STXBP6: variants seen among roughly 807,000 people sequenced by gnomAD.
STXBP6 encodes syntaxin binding protein 6.
In STXBP6, 21 loss-of-function variants were observed where a neutral mutation model predicts 26.9. That is an observed-to-expected ratio of 0.78 (90% CI 0.55 to 1.12). The LOEUF (loss-of-function observed/expected upper bound fraction) is 1.12, where lower values mean the gene tolerates loss of function less well. STXBP6 is among the 50% of genes most tolerant of loss of function. The pLI is 0.00. For missense variants in STXBP6, 232 were observed against 257.9 expected, an observed-to-expected ratio of 0.90 and a Z score of 0.69; for synonymous variants, 97 against 92.6, an observed-to-expected ratio of 1.05 and a Z score of -0.27.
At chr14:24,819,480 AG>A in intron 4 of STXBP6, 1 of 569,480 alleles carries the variant, frequency 1.8e-6, no homozygotes, top group Non-Finnish European at 3.1e-6. Flanking sequence ...CTATCTGTGG[AG>A]GCTCAAAAGG....
chr14:24,820,690 T>C (rs1378471813), intron 4 of STXBP6, among the ~76,000 whole-genome samples: 1 of 152,218 alleles, frequency 6.6e-6, no homozygotes. Context: ...TGCTCAACAC[T>C]TGAATAGCAC....
Position 24,841,919 on chromosome 14 carries a change from T to C in STXBP6, c.451+14017A>G, listed in dbSNP as rs114538121. Among the ~76,000 whole-genome samples the C allele has an allele frequency of 4.3e-3, 656 of 152,356 alleles. 3 individuals are homozygous for C. Among genetic ancestry groups the C allele is most frequent in the African/African-American group, 0.015 (622 of 41,572 alleles). On this transcript the variant is annotated intron_variant, in intron 4 of 5. Transcript: ENST00000323944. ...ATTCAATTCTCATTTGTTATTTTTGTTGGCTTTCTCATGTAGAATTTTGGT... is the reference window on the plus strand; with the variant it reads ...ATTCAATTCTCATTTGTTATTTTTGCTGGCTTTCTCATGTAGAATTTTGGT...
chr14:24,822,424 T>A (rs35131265), intron 4 of STXBP6, among the ~76,000 whole-genome samples: 20,912 of 152,218 alleles, frequency 0.14, 1,861 homozygotes, highest in Non-Finnish European at 0.2. Flanking sequence ...CATACAAACA[T>A]TTTTAGGCTC....
At chr14:24,962,459 A>C (rs2073580881) in intron 2 of STXBP6, among the ~76,000 whole-genome samples, 1 of 151,698 alleles carries the variant, frequency 6.6e-6, no homozygotes, top group Non-Finnish European at 1.5e-5. Flanking sequence ...CCTCCCAAGT[A>C]GCTGGGATTA....
chr14:24,872,980 C>T (rs928590158), intron 2 of STXBP6, among the ~76,000 whole-genome samples: 8 of 152,182 alleles, frequency 5.3e-5, no homozygotes, highest in Admixed American at 4.6e-4. Context: ...TATTTGCAAG[C>T]AAATGGTTCG....
intron 2 of STXBP6, among the ~76,000 whole-genome samples, chr14:24,932,640 T>C (rs1214645843): frequency 6.6e-6 from 1 of 152,128 alleles, no homozygotes; most frequent in African/African-American, 2.4e-5. Context: ...TTCTAGGTGG[T>C]TCAGGAGAGA....
At chr14:25,034,876 T>A (rs2075523130) in intron 1 of STXBP6, among the ~76,000 whole-genome samples, 1 of 151,938 alleles carries the variant, frequency 6.6e-6, no homozygotes, top group African/African-American at 2.4e-5. Flanking sequence ...CTTGGCCGGG[T>A]GTGGTGGCTC....
chr14:24,967,380 G>A (rs1348718353), intron 2 of STXBP6, among the ~76,000 whole-genome samples: 1 of 152,170 alleles, frequency 6.6e-6, no homozygotes, highest in Non-Finnish European at 1.5e-5. Context: ...TGCCCTGCAG[G>A]TCATTTAAAA....
At chr14:24,884,463 T>C (rs1485290140) in intron 2 of STXBP6, among the ~76,000 whole-genome samples, 1 of 152,202 alleles carries the variant, frequency 6.6e-6, no homozygotes, top group African/African-American at 2.4e-5. Flanking sequence ...TTTTGACTCA[T>C]TTTCCAGCGG....
intron 1 of STXBP6, among the ~76,000 whole-genome samples, chr14:24,998,792 T>C (rs950304663): frequency 3.3e-5 from 5 of 152,216 alleles, no homozygotes; most frequent in African/African-American, 1.2e-4. Context: ...TTGGGTAATA[T>C]TATTTTACCA....
intron 2 of STXBP6, among the ~76,000 whole-genome samples, chr14:24,959,710 G>A (rs529526837): frequency 1.3e-5 from 2 of 152,206 alleles, no homozygotes; most frequent in South Asian, 4.1e-4. Context: ...ACTGACAAAG[G>A]GCAATAATTA....
intron 4 of STXBP6, among the ~76,000 whole-genome samples, chr14:24,832,517 AAATCCC>A (rs1202179191): frequency 1.3e-5 from 2 of 152,216 alleles, no homozygotes; most frequent in Non-Finnish European, 1.5e-5. Context: ...AATTGATACA[AAATCCC>A]AATGGGTATC....
chr14:24,847,626 G>A (rs1354639297), intron 4 of STXBP6, among the ~76,000 whole-genome samples: 1 of 152,130 alleles, frequency 6.6e-6, no homozygotes, highest in African/African-American at 2.4e-5. Flanking sequence ...GTCTAACAAT[G>A]TTAAGTAATT....
intron 1 of STXBP6, among the ~76,000 whole-genome samples, chr14:24,979,013 T>C (rs2074118770): frequency 6.6e-6 from 1 of 152,222 alleles, no homozygotes; most frequent in East Asian, 1.9e-4. Context: ...ATTAAAAACC[T>C]CCATTGTTAA....
chr14:24,898,301 C>A (rs2071072301), intron 2 of STXBP6, among the ~76,000 whole-genome samples: 1 of 152,218 alleles, frequency 6.6e-6, no homozygotes, highest in Non-Finnish European at 1.5e-5. Context: ...AACTGTGATT[C>A]TCATAATCTC....
intron 4 of STXBP6, among the ~76,000 whole-genome samples, chr14:24,824,224 C>G (rs566787278): frequency 6.6e-6 from 1 of 152,180 alleles, no homozygotes; most frequent in African/African-American, 2.4e-5. Flanking sequence ...GGCTCCCTGA[C>G]AGCCTGGTCT....
intron 2 of STXBP6, among the ~76,000 whole-genome samples, chr14:24,910,397 G>T (rs1411367821): frequency 6.6e-6 from 1 of 152,126 alleles, no homozygotes; most frequent in Non-Finnish European, 1.5e-5. Context: ...TTCATTGCCT[G>T]GTATCCCTGC....
chr14:24,883,448 A>G (rs1009717712), intron 2 of STXBP6, among the ~76,000 whole-genome samples: 5 of 152,228 alleles, frequency 3.3e-5, no homozygotes, highest in African/African-American at 1.2e-4. Flanking sequence ...GTATACCACT[A>G]TTACTTTGGT....
chr14:24,994,443 G>A (rs1762107901), intron 1 of STXBP6, among the ~76,000 whole-genome samples: 1 of 152,064 alleles, frequency 6.6e-6, no homozygotes, highest in South Asian at 2.1e-4. Flanking sequence ...AAACCACTCT[G>A]AATTTCCTTT....
Sources: allele counts gnomAD v4.1 joint callset (sites outside exome capture counted in the v4.1 genomes callset), GRCh38; gene constraint gnomAD v4.1.1; transcripts MANE v1.5; gene names NCBI Gene and HGNC (gene_info 2026-07-23, HGNC 2026-07-21).